DZIP1: variants seen among roughly 807,000 people sequenced by gnomAD.
DZIP1 encodes the protein DAZ interacting zinc finger protein 1, also known as cilium assembly protein DZIP1.
A neutral mutation model predicts 107.6 loss-of-function variants in DZIP1; 97 were observed. That is an observed-to-expected ratio of 0.90 (90% CI 0.77 to 1.07). The LOEUF is 1.07. Among genes scored for constraint, DZIP1 ranks in the 50% least tolerant of loss-of-function variants. DZIP1 has a pLI of 0.00. For missense variants in DZIP1, 1,035 were observed against 1,063.6 expected (o/e 0.97, Z 0.37); for synonymous variants, 390 against 386.4 (o/e 1.01, Z -0.11).
At chr13:95,589,545 C>A (rs113809060) in intron 18 of DZIP1, among the ~76,000 whole-genome samples, 28 of 152,142 alleles carry the variant, frequency 1.8e-4, no homozygotes, top group Admixed American at 2.6e-4. Flanking sequence ...GGGATTGGTG[C>A]CTTATAAGAA....
intron 15 of DZIP1, among the ~76,000 whole-genome samples, chr13:95,597,351 T>A (rs966166586): frequency 6.6e-6 from 1 of 152,224 alleles, no homozygotes; most frequent in African/African-American, 2.4e-5. Flanking sequence ...TCTCACAGAT[T>A]CTTCAAGGAA....
intron 15 of DZIP1, among the ~76,000 whole-genome samples, 183 bp from the exon 16 acceptor site, chr13:95,594,269 A>G (rs976572168): frequency 2.6e-5 from 4 of 152,184 alleles, no homozygotes; most frequent in Non-Finnish European, 5.9e-5. Flanking sequence ...AGCTTTTAAA[A>G]CTATTTTATG....
At position 95,641,276 on chromosome 13, in the gene DZIP1, C is replaced by T; in HGVS notation, c.597+19G>A. ...GTTGTTTACTGGATTATGAATCGTG[C>T]TCACACACAGCTGCCCACCTGGTAA... is the stretch of plus-strand genomic sequence containing the variant. On this transcript the variant is annotated intron_variant, in intron 5 of 22. Transcript: ENST00000376829. The surrounding 1 kb of genome is among the most constrained non-coding windows in gnomAD (Gnocchi z 4.3). 6.4e-7 allele frequency: 1 copy of T among 1,556,172 alleles called. No homozygotes were observed. Among genetic ancestry groups the T allele is most frequent in the Non-Finnish European group, 8.7e-7 (1 of 1,146,480 alleles).
intron 3 of DZIP1, 31 bp downstream of exon 3, chr13:95,643,012 C>T (rs1004532134): frequency 6.6e-6 from 1 of 152,162 alleles, no homozygotes. Flanking sequence ...ATCAGCTTTA[C>T]CAACAAGTTT....
chr13:95,578,277 A>C lies in DZIP1; in HGVS notation c.*3957T>G, dbSNP rs1382424721. 17 of 263,716 alleles carry C rather than the reference A, an allele frequency of 6.4e-5. No homozygotes were observed. In the East Asian group the frequency reaches 1.4e-3, roughly 22 times the overall value. 16.3% of individuals were successfully genotyped at this position (263,716 alleles called of 1,614,324 possible). A position where few individuals can be genotyped will look rare whatever the true frequency, so the allele number is the denominator to read the frequency against. On this transcript the variant is annotated 3_prime_UTR_variant, in exon 23 of 23. Transcript: ENST00000376829. ...TTCTACATTTATATAGAACATGAAA[A>C]GCATTTAGTACCAAAGGTTCAAGAA...
At chr13:95,628,837 A>T (rs1364933444) in intron 7 of DZIP1, among the ~76,000 whole-genome samples, 1 of 152,156 alleles carries the variant, frequency 6.6e-6, no homozygotes, top group African/African-American at 2.4e-5. Flanking sequence ...GAGCAGGCAA[A>T]ATCACAGAGA....
At chr13:95,631,477 AC>A (rs1877191407) in intron 6 of DZIP1, among the ~76,000 whole-genome samples, 1 of 151,848 alleles carries the variant, frequency 6.6e-6, no homozygotes, top group Non-Finnish European at 1.5e-5. Context: ...AAAAAAAAAA[AC>A]AAAAAACGAT....
chr13:95,613,163 G>A (rs537473181), intron 10 of DZIP1, among the ~76,000 whole-genome samples: 4 of 152,260 alleles, frequency 2.6e-5, no homozygotes, highest in South Asian at 2.1e-4. Context: ...AAGGAAAGGC[G>A]CTTAAAGCAA....
rs770575604 is a variant in DZIP1 at position 95,641,716 on chromosome 13, T to C, written c.176A>G (p.Gln59Arg). The part of the protein sequence containing the change: ...SAASGPLPFF[Q>R]FRPRLESVDW... ...CACACTCTCCAGCCGCGGCCTGAAC[T>C]GGAAGAAGGGCAGGGGCCCCGAAGC... Residue 59 changes from glutamine (Q) to arginine (R), a missense_variant, in exon 5 of 23, where the codon CAG (glutamine) becomes CGG (arginine). By Grantham distance (43) the Gln-to-Arg change is conservative. Transcript: ENST00000376829. The surrounding 1 kb of genome is among the most constrained non-coding windows in gnomAD (Gnocchi z 4.3). 4.4e-6 allele frequency: 7 copies of C among 1,600,282 alleles called. No individual in the cohort carries two copies. The highest frequency in any genetic ancestry group is 1.3e-5 in the African/African-American group (1 of 74,898).
In DZIP1 at chr13:95,624,757, T is replaced by A. The variant is rs768558229; in HGVS notation, c.972+11A>T. On this transcript the variant is annotated intron_variant, in intron 8 of 22. Transcript: ENST00000376829. ...ATCAATACCATAAGAACTTCTAGGT[T>A]TAATACTTACATATTCTAATGCTGA... 1.8e-5 allele frequency: 29 copies of A among 1,585,434 alleles called. No individual in the cohort carries two copies. The highest frequency in any genetic ancestry group is 7.9e-5 in the South Asian group (7 of 88,504).
At chr13:95,610,107 T>TGAGAGA (rs1435687735) in intron 12 of DZIP1, among the ~76,000 whole-genome samples, 2,171 of 121,964 alleles carry the variant, frequency 0.018, 90 homozygotes, top group African/African-American at 0.03. Flanking sequence ...TGTGTGTGTG[T>TGAGAGA]GTGTGAGAGA....
chr13:95,599,408 C>G lies in DZIP1; in HGVS notation c.1494G>C (p.Ser498=). The G allele has an allele frequency of 1.2e-6, 2 of 1,613,494 alleles. No homozygotes were observed. The highest frequency in any genetic ancestry group is 1.1e-5 in the South Asian group (1 of 91,046). ...LPMVHEQAFS[S]HILEPIEELS... ...GTTCTTCTATTGGTTCCAGTATGTG[C>G]GACGAGAATGCCTGTTCTATTAACA... The change falls in exon 15 of 23, where the codon TCG becomes TCC. Residue 498 remains serine, a synonymous_variant. Transcript: ENST00000376829.
At chr13:95,628,577 T>C (rs1469905624) in intron 7 of DZIP1, among the ~76,000 whole-genome samples, 1 of 152,190 alleles carries the variant, frequency 6.6e-6, no homozygotes, top group Non-Finnish European at 1.5e-5. Context: ...GATGTTGGTA[T>C]ACCCTTGTTC....
At position 95,599,700 on chromosome 13, in the gene DZIP1, C is replaced by T. The variant is rs754201104; in HGVS notation, c.1478-276G>A. 3.5e-4 allele frequency among the ~76,000 whole-genome samples: 53 copies of T among 152,150 alleles called. 1 individual carries two copies. Among genetic ancestry groups the T allele is most frequent in the East Asian group, 1.9e-4 (1 of 5,188 alleles). ...GTTTCTCATTCATCAACCTAGTACACGGTAGCCTTTTAAGACACAAGGGCA... is the reference window on the plus strand; with the variant it reads ...GTTTCTCATTCATCAACCTAGTACATGGTAGCCTTTTAAGACACAAGGGCA... On this transcript the variant is annotated intron_variant, in intron 14 of 22. Coordinates refer to ENST00000376829, the MANE Select transcript of DZIP1 (RefSeq NM_198968.4).
chr13:95,611,483 A>ATAC lies in DZIP1; in HGVS notation c.1324_1325insGTA (p.Phe442delinsCysIle). 6.2e-7 allele frequency: 1 copy of ATAC among 1,612,622 alleles called. No individual in the cohort carries two copies. The highest frequency in any genetic ancestry group is 1.1e-5 in the South Asian group (1 of 91,026). ...GATACTGTTTAATGGATTACAGGTA[A>ATAC]AGTCTTTAATCTGCAAAGAAATACA... is the stretch of plus-strand genomic sequence containing the variant. On this transcript the variant is annotated protein_altering_variant, in exon 12 of 23. Transcript: ENST00000376829.
At chr13:95,636,501 C>T (rs1877836267) in intron 5 of DZIP1, among the ~76,000 whole-genome samples, 1 of 148,456 alleles carries the variant, frequency 6.7e-6, no homozygotes, top group Non-Finnish European at 1.5e-5. Flanking sequence ...CAAGATTGCG[C>T]CACTGCACTC....
chr13:95,589,249 AATAAT>A (rs1322810937), intron 18 of DZIP1, 42 bp from the exon 19 acceptor site: 1 of 1,439,812 alleles, frequency 6.9e-7, no homozygotes, highest in East Asian at 2.4e-5. Context: ...TGCATAAGTT[AATAAT>A]ATAATTTCAC....
intron 13 of DZIP1, among the ~76,000 whole-genome samples, chr13:95,606,280 G>T (rs965808186): frequency 1.3e-5 from 2 of 152,110 alleles, no homozygotes; most frequent in African/African-American, 4.8e-5. Flanking sequence ...AATTCAGTGG[G>T]TTTTTAGCAT....
At chr13:95,599,254 T>G (rs2044544423) in intron 15 of DZIP1, 111 bp downstream of exon 15, 2 of 882,032 alleles carry the variant, frequency 2.3e-6, no homozygotes, top group African/African-American at 3.4e-5. Flanking sequence ...CTAAATGTCT[T>G]TCCTAATTTT....
Sources: gnomAD v4.1 joint callset for allele counts (sites outside exome capture counted in the v4.1 genomes callset) on GRCh38, gnomAD v4.1.1 for gene constraint, Gnocchi (gnomAD v3.1) non-coding constraint, MANE v1.5 for transcripts, NCBI Gene and HGNC (gene_info 2026-07-23, HGNC 2026-07-21) for gene names.